MCPH1: variants seen among roughly 807,000 people sequenced by gnomAD.
MCPH1 encodes the protein microcephalin.
In MCPH1, 104 loss-of-function variants were observed where a neutral mutation model predicts 84.5. That is an observed-to-expected ratio of 1.23 (90% CI 1.05 to 1.45). The LOEUF is 1.45. MCPH1 is among the 40% of genes most tolerant of loss of function. MCPH1 has a pLI of 0.00. For synonymous variants in MCPH1, 514 were observed against 366.8 expected (o/e 1.40, Z -4.58); for missense variants, 1,498 against 1,005.7 (o/e 1.49, Z -6.62).
intron 12 of MCPH1, among the ~76,000 whole-genome samples, chr8:6,548,609 G>A (rs1417605249): frequency 6.6e-6 from 1 of 152,190 alleles, no homozygotes; most frequent in Non-Finnish European, 1.5e-5. Flanking sequence ...ACACCTGATG[G>A]ATTTTTGTAA....
chr8:6,468,534 T>C lies in MCPH1; in HGVS notation c.1936-9060T>C, dbSNP rs531002620. Among the ~76,000 whole-genome samples, 99 of 152,286 alleles carry C rather than the reference T, an allele frequency of 6.5e-4. 1 individual carries two copies. In the South Asian group the frequency reaches 7.2e-3, roughly 11 times the overall value. On this transcript the variant is annotated intron_variant, in intron 9 of 13. Coordinates refer to ENST00000344683, the MANE Select transcript of MCPH1 (RefSeq NM_024596.5). ...TGTGTAGACCCCATGGGAGCTTTAG[T>C]GTTAGATACCGAGTTTGCTAGATGA...
intron 12 of MCPH1, among the ~76,000 whole-genome samples, chr8:6,509,479 G>A (rs1814508599): frequency 1.3e-5 from 2 of 152,178 alleles, no homozygotes; most frequent in Admixed American, 6.5e-5. Flanking sequence ...GCCCCGGGGG[G>A]GATGGAGAAT....
In MCPH1 at chr8:6,609,828, C is replaced by CCCCCCCCCCCCCCCCA. The variant is rs1475345162; in HGVS notation, c.2215-11625_2215-11624insCCCCCCCCCCCCCCAC. Among the ~76,000 whole-genome samples the CCCCCCCCCCCCCCCCA allele has an allele frequency of 8.3e-5, 9 of 108,818 alleles. 1 individual carries two copies. Among genetic ancestry groups the CCCCCCCCCCCCCCCCA allele is most frequent in the East Asian group, 4.6e-4 (2 of 4,314 alleles). The allele number at this position is 108,818 out of a possible 152,430, so 71.4% of individuals were successfully genotyped here. On this transcript the variant is annotated intron_variant, in intron 12 of 13. Coordinates refer to ENST00000344683, the MANE Select transcript of MCPH1 (RefSeq NM_024596.5). The stretch of plus-strand genomic sequence containing the variant: ...CAAAGCAATGCCCCCCGCCCCCCCC[C>CCCCCCCCCCCCCCCCA]CACACACAGACTGCCAGGTAAACCA...
Position 6,589,995 on chromosome 8 carries a change from C to T in MCPH1, c.2215-31459C>T, listed in dbSNP as rs563533581. On this transcript the variant is annotated intron_variant, in intron 12 of 13. Transcript: ENST00000344683. The stretch of plus-strand genomic sequence containing the variant: ...TGCATTAAAAAGACATGGCACTGTC[C>T]CCGAAACGATCTTGCTGTGTTGCAT... Among the ~76,000 whole-genome samples, 16 of 152,138 alleles carry T rather than the reference C, an allele frequency of 1.1e-4. No individual in the cohort carries two copies. In the South Asian group the frequency reaches 3.3e-3, roughly 32 times the overall value.
chr8:6,468,048 G>A (rs1471673642), intron 9 of MCPH1, among the ~76,000 whole-genome samples: 1 of 152,156 alleles, frequency 6.6e-6, no homozygotes, highest in African/African-American at 2.4e-5. Context: ...TACTTAGAGT[G>A]GGTAGTATAA....
At chr8:6,447,068 C>A in intron 8 of MCPH1, 1 of 985,430 alleles carries the variant, frequency 1.0e-6, no homozygotes, top group Admixed American at 6.1e-5. Flanking sequence ...GCGAGAGGAT[C>A]TTCTACAGTC....
At chr8:6,615,905 G>C (rs1402280191) in intron 12 of MCPH1, 1 of 152,144 alleles carries the variant, frequency 6.6e-6, no homozygotes, top group Non-Finnish European at 1.5e-5. Context: ...ATTCAGTAAA[G>C]TTATTGATGA....
intron 12 of MCPH1, chr8:6,532,611 C>T (rs1239180653): frequency 1.2e-5 from 8 of 679,410 alleles, no homozygotes; most frequent in African/African-American, 2.1e-5. Context: ...AAGACTTGTA[C>T]CTTGCCTTCC....
chr8:6,579,818 G>T (rs763958338), intron 12 of MCPH1, among the ~76,000 whole-genome samples: 1 of 152,176 alleles, frequency 6.6e-6, no homozygotes, highest in Admixed American at 6.5e-5. Flanking sequence ...AGGCTTTCTC[G>T]TTTATGCAGA....
At chr8:6,467,929 G>C (rs1196901044) in intron 9 of MCPH1, among the ~76,000 whole-genome samples, 1 of 152,162 alleles carries the variant, frequency 6.6e-6, no homozygotes, top group Middle Eastern at 3.2e-3. Flanking sequence ...TTGGAAGGTA[G>C]AGGTGTGTAC....
chr8:6,569,310 T>A (rs1022681296), intron 12 of MCPH1, among the ~76,000 whole-genome samples: 1 of 152,200 alleles, frequency 6.6e-6, no homozygotes, highest in East Asian at 1.9e-4. Context: ...TCCTGGAAGA[T>A]CTGTTTCGAC....
intron 11 of MCPH1, 136 bp downstream of exon 11, chr8:6,481,012 C>G (rs1373499804): frequency 7.5e-6 from 8 of 1,070,484 alleles, no homozygotes; most frequent in Non-Finnish European, 1.1e-5. Context: ...GCTGGGAACA[C>G]CCGTCTTTCC....
chr8:6,514,858 C>G, intron 12 of MCPH1: 1 of 1,247,862 alleles, frequency 8.0e-7, no homozygotes, highest in Non-Finnish European at 1.2e-6. Context: ...GGAATGTAGA[C>G]CCTGAGTGCA....
At chr8:6,534,877 AT>A (rs1820215939) in intron 12 of MCPH1, among the ~76,000 whole-genome samples, 1 of 152,196 alleles carries the variant, frequency 6.6e-6, no homozygotes, top group South Asian at 2.1e-4. Context: ...GAAGCCATAA[AT>A]AGCAGTTCGT....
intron 13 of MCPH1, among the ~76,000 whole-genome samples, chr8:6,640,075 T>C (rs1402481555): frequency 7.0e-6 from 1 of 143,860 alleles, no homozygotes; most frequent in Admixed American, 6.9e-5. Flanking sequence ...TGTGTGTGTG[T>C]GTGTGTGTGT....
intron 9 of MCPH1, among the ~76,000 whole-genome samples, chr8:6,466,262 G>A (rs952763779): frequency 2.0e-5 from 3 of 150,864 alleles, no homozygotes; most frequent in Admixed American, 6.6e-5. Context: ...TCAGCCTCCT[G>A]AGTAGCTGGT....
At chr8:6,634,571 G>A (rs1388205176) in intron 13 of MCPH1, among the ~76,000 whole-genome samples, 6 of 152,178 alleles carry the variant, frequency 3.9e-5, no homozygotes, top group East Asian at 1.9e-4. Context: ...TGTCCGTGCT[G>A]TTTTCAAAGA....
intron 12 of MCPH1, among the ~76,000 whole-genome samples, chr8:6,602,745 C>G (rs189087999): frequency 1.3e-5 from 2 of 151,988 alleles, no homozygotes; most frequent in African/African-American, 4.8e-5. Flanking sequence ...ACCTCTTGGC[C>G]CAACTCTGCA....
intron 13 of MCPH1, among the ~76,000 whole-genome samples, chr8:6,637,297 A>G (rs1797626545): frequency 1.3e-5 from 2 of 152,182 alleles, no homozygotes; most frequent in Admixed American, 1.3e-4. Context: ...CAGGGTGAGT[A>G]TAGAGAGGAG....
Sources: gnomAD v4.1 joint callset for allele counts (sites outside exome capture counted in the v4.1 genomes callset) on GRCh38, gnomAD v4.1.1 for gene constraint, MANE v1.5 for transcripts, NCBI Gene and HGNC (gene_info 2026-07-23, HGNC 2026-07-21) for gene names.